GOLGA2: variants seen among roughly 807,000 people sequenced by gnomAD.
GOLGA2 encodes the protein golgin subfamily A member 2.
A neutral mutation model predicts 148.8 loss-of-function variants in GOLGA2; 49 were observed. The observed-to-expected ratio is 0.33, with a 90% CI of 0.26 to 0.42. The LOEUF is 0.42. GOLGA2 is among the 10% of genes least tolerant of loss of function. The probability of loss-of-function intolerance (pLI) is 1.00; values close to 1 mark genes in which losing one functional copy is unlikely to be tolerated. For synonymous variants in GOLGA2, 501 were observed against 511.8 expected (o/e 0.98, Z 0.28); for missense variants, 1,178 against 1,304.6 (o/e 0.90, Z 1.49).
chr9:128,257,076 A>C lies in GOLGA2; in HGVS notation c.3081T>G (p.Thr1027=), dbSNP rs1829911784. The C allele has an allele frequency of 6.2e-7, 1 of 1,611,614 alleles. No homozygotes were observed. The highest frequency in any genetic ancestry group is 1.3e-5 in the African/African-American group (1 of 74,824). ...RADENDEVKI[T]VI ...TGACAGTAGCCGGCTTTTAGATGAC[A>C]GTGATCTTCACCTCATCATTCTCGT... The change falls in exon 27 of 27, where the codon ACT becomes ACG. Residue 1027 remains threonine (T), a synonymous_variant. Coordinates refer to ENST00000611957, the MANE Select transcript of GOLGA2 (RefSeq NM_001366244.2). The surrounding 1 kb of genome is among the most constrained non-coding windows in gnomAD (Gnocchi z 8.0).
chr9:128,270,903 C>A (rs1189838501), intron 3 of GOLGA2, among the ~76,000 whole-genome samples: 1 of 151,868 alleles, frequency 6.6e-6, no homozygotes, highest in African/African-American at 2.4e-5. Flanking sequence ...AAAAAAATGG[C>A]CGGGCGTGAT....
Position 128,266,380 on chromosome 9 carries a change from CCCAGA to C in GOLGA2, c.643-60_643-56del, listed in dbSNP as rs1490416140. The C allele has an allele frequency of 2.0e-6, 3 of 1,505,388 alleles. No individual in the cohort carries two copies. The highest frequency in any genetic ancestry group is 2.8e-6 in the Non-Finnish European group (3 of 1,085,062). The allele number at this position is 1,505,388 out of a possible 1,614,324, so 93.3% of individuals were successfully genotyped here. A position where few individuals can be genotyped will look rare whatever the true frequency, so the allele number is the denominator to read the frequency against. Reference sequence around the variant, plus strand: ...GAGGGTGGCCCCCTCAACTCTATTCCCCAGACCAGGAACGGGTAGGCAGGGGCCAG... The same window carrying C: ...GAGGGTGGCCCCCTCAACTCTATTCCCCAGGAACGGGTAGGCAGGGGCCAG... On this transcript the variant is annotated intron_variant, in intron 8 of 26. Coordinates refer to ENST00000611957, the MANE Select transcript of GOLGA2 (RefSeq NM_001366244.2). The surrounding 1 kb of genome is among the most constrained non-coding windows in gnomAD (Gnocchi z 4.2).
At chr9:128,265,550 G>A in intron 12 of GOLGA2, 35 bp downstream of exon 12, 4 of 1,449,598 alleles carry the variant, frequency 2.8e-6, no homozygotes, top group Non-Finnish European at 3.9e-6. Context: ...TGGGAAGCCA[G>A]TATGCCAGGG....
rs1023091082 is a variant in GOLGA2 at position 128,271,621 on chromosome 9, A to G, written c.288+1164T>C. Among the ~76,000 whole-genome samples the G allele has an allele frequency of 6.7e-6, 1 of 148,190 alleles. No individual in the cohort carries two copies. Among genetic ancestry groups the G allele is most frequent in the Admixed American group, 6.7e-5 (1 of 14,832 alleles). Reference sequence around the variant, plus strand: ...GCTCCCCCTGCCTCCCCCACTCCCCATATGGATTAATGTTACCCACCTTTA... The same window carrying G: ...GCTCCCCCTGCCTCCCCCACTCCCCGTATGGATTAATGTTACCCACCTTTA... On this transcript the variant is annotated intron_variant, in intron 3 of 26. Coordinates refer to ENST00000611957, the MANE Select transcript of GOLGA2 (RefSeq NM_001366244.2). The surrounding 1 kb of genome is among the most constrained non-coding windows in gnomAD (Gnocchi z 4.4).
chr9:128,269,388 A>G (rs1228477227), intron 3 of GOLGA2, among the ~76,000 whole-genome samples: 4 of 152,156 alleles, frequency 2.6e-5, no homozygotes, highest in Admixed American at 6.5e-5. Context: ...TTACCTCCAA[A>G]AACATCTACC....
chr9:128,259,670 C>T (rs757817995), intron 19 of GOLGA2, among the ~76,000 whole-genome samples: 1 of 152,244 alleles, frequency 6.6e-6, no homozygotes, highest in African/African-American at 2.4e-5. Flanking sequence ...ATGCTTTCCA[C>T]GTATTATCTC....
chr9:128,266,125 T>G lies in GOLGA2; in HGVS notation c.682-105A>C, dbSNP rs1830582234. 4.4e-6 allele frequency: 6 copies of G among 1,375,732 alleles called. No individual in the cohort carries two copies. The South Asian group carries it at 6.9e-5, about 16-fold the overall frequency. The allele number at this position is 1,375,732 out of a possible 1,614,324, so 85.2% of individuals were successfully genotyped here. A position where few individuals can be genotyped will look rare whatever the true frequency, so the allele number is the denominator to read the frequency against. On this transcript the variant is annotated intron_variant, in intron 9 of 26. Transcript: ENST00000611957. This position sits in a 1 kb window ranked among gnomAD's most constrained non-coding sequence, Gnocchi z 4.2. The stretch of plus-strand genomic sequence containing the variant: ...CAATGTCCCAGGACAGGCCCACCCA[T>G]GGGACCAGGTTATCAGGGACCCTGT...
rs1830229526 is a variant in GOLGA2, at chr9:128,260,859, G to C, written c.1421-57C>G. The C allele has an allele frequency of 8.3e-7, 1 of 1,205,620 alleles. No individual in the cohort carries two copies. The highest frequency in any genetic ancestry group is 2.4e-5 in the East Asian group (1 of 41,732). The allele number at this position is 1,205,620 out of a possible 1,614,324, so 74.7% of individuals were successfully genotyped here. A position where few individuals can be genotyped will look rare whatever the true frequency, so the allele number is the denominator to read the frequency against. On this transcript the variant is annotated intron_variant, in intron 17 of 26. Coordinates refer to ENST00000611957, the MANE Select transcript of GOLGA2 (RefSeq NM_001366244.2). The surrounding 1 kb of genome is among the most constrained non-coding windows in gnomAD (Gnocchi z 4.8). ...GGATTCTCAAAAAAACCCTCCTCTT[G>C]GTCCATACCTCCTCTCAAGCTCCCC...
In GOLGA2 at chr9:128,275,988, C is replaced by G. The variant is rs748841129; in HGVS notation, c.-12G>C. On this transcript the variant is annotated 5_prime_UTR_variant, in exon 1 of 27. Transcript: ENST00000611957. ...GGTTGGGGCCACATCAGCGCGATCCCGGCAACCACTGCGGAAGTCAGTCAG... is the reference window on the plus strand; with the variant it reads ...GGTTGGGGCCACATCAGCGCGATCCGGGCAACCACTGCGGAAGTCAGTCAG... The G allele has an allele frequency of 6.9e-6, 11 of 1,597,586 alleles. No homozygotes were observed. Among genetic ancestry groups the G allele is most frequent in the Admixed American group, 3.5e-5 (2 of 56,592 alleles).
intron 5 of GOLGA2, 23 bp downstream of exon 5, chr9:128,268,094 C>A: frequency 6.2e-7 from 1 of 1,609,314 alleles, no homozygotes; most frequent in African/African-American, 1.3e-5. Context: ...CTAGAGACTG[C>A]TGCCCCAACA....
rs1200979369 is a variant in GOLGA2 at position 128,266,193 on chromosome 9, G to A, written c.681+94C>T. 8.0e-6 allele frequency: 11 copies of A among 1,377,178 alleles called. No homozygotes were observed. The highest frequency in any genetic ancestry group is 1.1e-5 in the Non-Finnish European group (11 of 965,262). The allele number at this position is 1,377,178 out of a possible 1,614,324, so 85.3% of individuals were successfully genotyped here. On this transcript the variant is annotated intron_variant, in intron 9 of 26. Coordinates refer to ENST00000611957, the MANE Select transcript of GOLGA2 (RefSeq NM_001366244.2). This position sits in a 1 kb window ranked among gnomAD's most constrained non-coding sequence, Gnocchi z 4.2. ...TGGGGGGGTGAGCCTTCTTCCCCAG[G>A]CTGGGAGTGGGTGAGACGAGACTGA...
intron 4 of GOLGA2, 32 bp from the exon 5 acceptor site, chr9:128,268,192 T>C (rs1386249745): frequency 6.3e-7 from 1 of 1,591,532 alleles, no homozygotes; most frequent in Admixed American, 1.7e-5. Context: ...AGATGGTCAT[T>C]CAATTTCTGG....
At chr9:128,274,324 G>T (rs543944680) in intron 1 of GOLGA2, among the ~76,000 whole-genome samples, 1 of 152,078 alleles carries the variant, frequency 6.6e-6, no homozygotes, top group South Asian at 2.1e-4. Context: ...CTGGTTTCAC[G>T]CACTAATTAC....
chr9:128,266,913 G>C lies in GOLGA2; in HGVS notation c.642+281C>G. ...AGAAATACAGGGCTCCTGACAACCA[G>C]TCAGGCTAGCGCTTCCCCAAGAGGC... On this transcript the variant is annotated intron_variant, in intron 8 of 26. Transcript: ENST00000611957. The surrounding 1 kb of genome is among the most constrained non-coding windows in gnomAD (Gnocchi z 4.2). The C allele has an allele frequency of 1.9e-6, 1 of 535,032 alleles. No homozygotes were observed. The highest frequency in any genetic ancestry group is 2.2e-5 in the South Asian group (1 of 46,084). The allele number at this position is 535,032 out of a possible 1,614,324, so 33.1% of individuals were successfully genotyped here.
rs112603354 is a variant in GOLGA2, at chr9:128,258,516, G to GCCT, written c.2225_2227dup (p.Glu742dup). The GCCT allele has an allele frequency of 2.2e-4, 356 of 1,588,572 alleles. No individual in the cohort carries two copies. The highest frequency in any genetic ancestry group is 6.4e-4 in the South Asian group (56 of 87,970). ...TGGCATGGGCTGAGGTACTGCCACC[G>GCCT]CCTCCTCCTCCTCCTCCTCCTCATC... On this transcript the variant is annotated inframe_insertion, in exon 22 of 27. Transcript: ENST00000611957. This position sits in a 1 kb window ranked among gnomAD's most constrained non-coding sequence, Gnocchi z 6.6.
Position 128,260,111 on chromosome 9 carries a change from C to T in GOLGA2, c.1837G>A (p.Glu613Lys), listed in dbSNP as rs199538572. The T allele has an allele frequency of 3.2e-5, 51 of 1,610,844 alleles. No individual in the cohort carries two copies. Among genetic ancestry groups the T allele is most frequent in the Non-Finnish European group, 2.9e-5 (34 of 1,179,730 alleles). ...AGCTCGCTCAGCTTCTCCTGCAGCT[C>T]GCCCAGCTTCTTTCCCAGCTCCCTC... is the stretch of plus-strand genomic sequence containing the variant. ...VKRELGKKLG[E>K]LQEKLSELKE... The change falls in exon 19 of 27, where the codon GAG becomes AAG. Residue 613 changes from glutamate (E) to lysine (K), a missense_variant. Physicochemically the swap from Glu to Lys is moderately conservative, Grantham distance 56 (BLOSUM62 1). Coordinates refer to ENST00000611957, the MANE Select transcript of GOLGA2 (RefSeq NM_001366244.2). The surrounding 1 kb of genome is among the most constrained non-coding windows in gnomAD (Gnocchi z 4.8).
chr9:128,271,298 G>C lies in GOLGA2; in HGVS notation c.288+1487C>G, dbSNP rs538672127. ...TGAGTCACAGCACCTGGACAGACCT[G>C]ATCAACTGGAGGGTAACAGGTATGA... On this transcript the variant is annotated intron_variant, in intron 3 of 26. Coordinates refer to ENST00000611957, the MANE Select transcript of GOLGA2 (RefSeq NM_001366244.2). The surrounding 1 kb of genome is among the most constrained non-coding windows in gnomAD (Gnocchi z 4.4). 1.3e-4 allele frequency among the ~76,000 whole-genome samples: 20 copies of C among 152,290 alleles called. No individual in the cohort carries two copies. The South Asian group carries it at 3.9e-3, about 30-fold the overall frequency.
chr9:128,267,546 TG>T (rs1830669691), intron 6 of GOLGA2, 29 bp from the exon 7 acceptor site: 4 of 1,552,030 alleles, frequency 2.6e-6, no homozygotes, highest in Non-Finnish European at 2.7e-6. Context: ...CACATGGAGA[TG>T]TTCTGTCCCC....
At chr9:128,275,796 C>A in intron 1 of GOLGA2, 97 bp downstream of exon 1, 5 of 681,244 alleles carry the variant, frequency 7.3e-6, no homozygotes, top group Middle Eastern at 2.6e-4. Flanking sequence ...GGAGCCCAGC[C>A]CGGTGTGCCT....
Sources: allele counts gnomAD v4.1 joint callset (sites outside exome capture counted in the v4.1 genomes callset), GRCh38; gene constraint gnomAD v4.1.1; non-coding constraint Gnocchi (gnomAD v3.1); transcripts MANE v1.5; gene names NCBI Gene and HGNC (gene_info 2026-07-23, HGNC 2026-07-21).